Variants in GMDS observed in about 807,000 individuals in gnomAD.
GMDS encodes the protein GDP-mannose 4,6-dehydratase.
A neutral mutation model predicts 49.9 loss-of-function variants in GMDS; 20 were observed. The observed-to-expected ratio is 0.40, with a 90% CI of 0.28 to 0.58. The LOEUF (loss-of-function observed/expected upper bound fraction) is 0.58. Ranked by LOEUF, GMDS falls within the 20% of genes least tolerant of loss-of-function variation. The pLI is 0.42. For missense variants in GMDS, 362 were observed against 481.4 expected, an observed-to-expected ratio of 0.75 and a Z score of 2.32; for synonymous variants, 177 against 178.6, an observed-to-expected ratio of 0.99 and a Z score of 0.07.
At chr6:1,710,779 C>T (rs1765928286) in intron 9 of GMDS, among the ~76,000 whole-genome samples, 2 of 152,274 alleles carry the variant, frequency 1.3e-5, no homozygotes, top group African/African-American at 4.8e-5. Context: ...CCTTGCAGGG[C>T]GGGGGTGTGA....
At chr6:2,033,637 T>G (rs1769104119) in intron 4 of GMDS, among the ~76,000 whole-genome samples, 1 of 152,250 alleles carries the variant, frequency 6.6e-6, no homozygotes. Flanking sequence ...ATTAGTTACT[T>G]AAGGATTAAA....
intron 4 of GMDS, among the ~76,000 whole-genome samples, chr6:2,112,333 C>G (rs974125361): frequency 6.6e-6 from 1 of 152,122 alleles, no homozygotes; most frequent in Non-Finnish European, 1.5e-5. Context: ...TATTTTACAT[C>G]AAACTCAAAA....
chr6:2,080,188 G>A (rs1337512969), intron 4 of GMDS, among the ~76,000 whole-genome samples: 2 of 151,828 alleles, frequency 1.3e-5, no homozygotes, highest in African/African-American at 4.8e-5. Flanking sequence ...CTATCTCTTT[G>A]GCAAATTTTT....
At chr6:2,075,136 A>G (rs1022847598) in intron 4 of GMDS, among the ~76,000 whole-genome samples, 1 of 152,148 alleles carries the variant, frequency 6.6e-6, no homozygotes, top group Non-Finnish European at 1.5e-5. Flanking sequence ...TTGGTTCCAT[A>G]ACAACATTAG....
intron 7 of GMDS, among the ~76,000 whole-genome samples, chr6:1,929,016 G>T (rs550956149): frequency 1.3e-5 from 2 of 151,278 alleles, no homozygotes; most frequent in East Asian, 3.9e-4. Flanking sequence ...TCTAAATGTT[G>T]CACTATTCAA....
intron 4 of GMDS, among the ~76,000 whole-genome samples, chr6:1,996,987 T>C (rs879590637): frequency 6.6e-6 from 1 of 152,000 alleles, no homozygotes; most frequent in Non-Finnish European, 1.5e-5. Flanking sequence ...AAGTAAGTCT[T>C]CTGATGCCCA....
chr6:2,235,969 C>A (rs1781341075), intron 1 of GMDS, among the ~76,000 whole-genome samples: 1 of 152,150 alleles, frequency 6.6e-6, no homozygotes, highest in African/African-American at 2.4e-5. Flanking sequence ...ATTGCACTGA[C>A]AGCTTTTATT....
At chr6:1,964,813 A>T (rs2449969) in intron 4 of GMDS, among the ~76,000 whole-genome samples, 92,608 of 151,830 alleles carry the variant, frequency 0.61, 28,333 homozygotes, top group Admixed American at 0.65. Flanking sequence ...TATCTCCTAA[A>T]GCTATCCCTC....
At chr6:1,698,227 T>C (rs1025659126) in intron 9 of GMDS, among the ~76,000 whole-genome samples, 8 of 152,138 alleles carry the variant, frequency 5.3e-5, no homozygotes, top group African/African-American at 1.9e-4. Flanking sequence ...ACTTTAGCTT[T>C]GTGTGTATCT....
intron 2 of GMDS, among the ~76,000 whole-genome samples, chr6:2,119,891 TC>T (rs1406942024): frequency 2.0e-5 from 3 of 152,210 alleles, no homozygotes; most frequent in Non-Finnish European, 2.9e-5. Context: ...TCAAGTTCTT[TC>T]CATTTAAAAC....
chr6:2,020,490 T>G (rs1768213547), intron 4 of GMDS, among the ~76,000 whole-genome samples: 1 of 152,152 alleles, frequency 6.6e-6, no homozygotes, highest in African/African-American at 2.4e-5. Context: ...CCAACTTCTT[T>G]AAAATTTATT....
At chr6:2,137,642 C>T (rs1776077184) in intron 1 of GMDS, among the ~76,000 whole-genome samples, 2 of 152,138 alleles carry the variant, frequency 1.3e-5, no homozygotes, top group South Asian at 4.1e-4. Flanking sequence ...CCCATATTCC[C>T]TTTTTAAGTA....
chr6:1,961,396 C>A (rs1284026992), intron 4 of GMDS, among the ~76,000 whole-genome samples: 2 of 152,140 alleles, frequency 1.3e-5, no homozygotes, highest in Non-Finnish European at 2.9e-5. Context: ...GGAACATGTG[C>A]TTTAGAACAC....
At chr6:1,871,618 T>A (rs769459466) in intron 7 of GMDS, among the ~76,000 whole-genome samples, 1 of 152,246 alleles carries the variant, frequency 6.6e-6, no homozygotes, top group South Asian at 2.1e-4. Flanking sequence ...AATTTTATAA[T>A]AGAAAAACGT....
chr6:2,164,797 C>T (rs1207012605), intron 1 of GMDS, among the ~76,000 whole-genome samples: 2 of 152,232 alleles, frequency 1.3e-5, no homozygotes, highest in Admixed American at 1.3e-4. Flanking sequence ...TCAGGGCACA[C>T]ATACAAGCCT....
intron 1 of GMDS, among the ~76,000 whole-genome samples, chr6:2,133,298 T>G (rs1160315415): frequency 6.6e-6 from 1 of 152,216 alleles, no homozygotes; most frequent in East Asian, 1.9e-4. Context: ...TTTTTATAAT[T>G]TGTGTCCTGG....
chr6:2,005,135 G>C (rs1220171823), intron 4 of GMDS, among the ~76,000 whole-genome samples: 1 of 152,172 alleles, frequency 6.6e-6, no homozygotes, highest in Non-Finnish European at 1.5e-5. Context: ...AGTTTGCTTA[G>C]TGGAACTTTT....
rs144027472 is a variant in GMDS at position 1,795,715 on chromosome 6, T to C, written c.772-53129A>G. On this transcript the variant is annotated intron_variant, in intron 7 of 10. Coordinates refer to ENST00000380815, the MANE Select transcript of GMDS (RefSeq NM_001500.4). The stretch of plus-strand genomic sequence containing the variant: ...TTCAATGGTATAATAAGCTTTGCAA[T>C]TTAAAGAACTTGTAAATAAATGTTC... Among the ~76,000 whole-genome samples, 11 of 152,324 alleles carry C rather than the reference T, an allele frequency of 7.2e-5. No individual in the cohort carries two copies. The East Asian group carries it at 1.5e-3, about 21-fold the overall frequency.
chr6:1,899,630 T>C (rs543933821), intron 7 of GMDS, among the ~76,000 whole-genome samples: 1 of 152,368 alleles, frequency 6.6e-6, no homozygotes, highest in South Asian at 2.1e-4. Context: ...TAAAAAATAT[T>C]ACATTTCAAA....
Sources: allele counts gnomAD v4.1 joint callset (sites outside exome capture counted in the v4.1 genomes callset), GRCh38; gene constraint gnomAD v4.1.1; transcripts MANE v1.5; gene names NCBI Gene and HGNC (gene_info 2026-07-23, HGNC 2026-07-21).